The following RPS9 variants were observed in gnomAD, a reference collection of about 807,000 sequenced individuals.
The protein encoded by RPS9 is small ribosomal subunit protein uS4.
A neutral mutation model predicts 16.9 loss-of-function variants in RPS9; 1 was observed. The ratio of observed to expected loss-of-function variants is 0.06; its 90% CI spans 0.02 to 0.28. The LOEUF (loss-of-function observed/expected upper bound fraction) is 0.28, where lower values mean the gene tolerates loss of function less well. RPS9 is among the 10% of genes least tolerant of loss of function. RPS9 has a pLI of 1.00. For missense variants in RPS9, 137 were observed against 273.2 expected, an observed-to-expected ratio of 0.50 and a Z score of 3.51; for synonymous variants, 106 against 110.9, an observed-to-expected ratio of 0.96 and a Z score of 0.28.
chr19:54,201,082 C>G (rs1488432801), intron 1 of RPS9, 78 bp from the exon 2 acceptor site: 31 of 1,562,726 alleles, frequency 2.0e-5, no homozygotes, highest in East Asian at 2.3e-5. Flanking sequence ...GATCTGGGCT[C>G]CGCGAGGTTT....
At chr19:54,201,372 C>T (rs779991812) in intron 2 of RPS9, 91 bp downstream of exon 2, 9 of 1,607,270 alleles carry the variant, frequency 5.6e-6, no homozygotes, top group Admixed American at 1.7e-5. Flanking sequence ...TCTAGTCCGT[C>T]CCCTAAATTT....
chr19:54,201,714 A>G (rs1490255665), intron 3 of RPS9, 105 bp downstream of exon 3: 2 of 1,534,806 alleles, frequency 1.3e-6, no homozygotes, highest in African/African-American at 2.8e-5. Flanking sequence ...TCATTGGATA[A>G]ATGGAACCAG....
At position 54,206,352 on chromosome 19, in the gene RPS9, C is replaced by A. The variant is rs866871985; in HGVS notation, c.297C>A (p.Gly99=). The A allele has an allele frequency of 6.2e-7, 1 of 1,614,162 alleles. No individual in the cohort carries two copies. Among genetic ancestry groups the A allele is most frequent in the Middle Eastern group, 1.7e-4 (1 of 6,006 alleles). Residue 99 remains glycine (G), a synonymous_variant, in exon 4 of 5, where the codon GGC becomes GGA. Coordinates refer to ENST00000302907, the MANE Select transcript of RPS9 (RefSeq NM_001013.4). ...AGATGAAGCTGGATTACATCCTGGGCCTGAAGATAGAGGATTTCTTAGAGA... is the reference window on the plus strand; with the variant it reads ...AGATGAAGCTGGATTACATCCTGGGACTGAAGATAGAGGATTTCTTAGAGA... ...EGKMKLDYIL[G]LKIEDFLERR...
intron 3 of RPS9, among the ~76,000 whole-genome samples, chr19:54,203,747 A>G (rs962010997): frequency 1.3e-5 from 2 of 151,658 alleles, no homozygotes; most frequent in South Asian, 2.1e-4. Context: ...ACTGGGTGAC[A>G]GCGAGACACA....
Position 54,207,399 on chromosome 19 carries a change from G to A in RPS9, c.409G>A (p.Val137Ile), listed in dbSNP as rs1262241117. 6.2e-7 allele frequency: 1 copy of A among 1,609,676 alleles called. No individual in the cohort carries two copies. Among genetic ancestry groups the A allele is most frequent in the East Asian group, 2.2e-5 (1 of 44,780 alleles). Residue 137 changes from valine (V) to isoleucine (I), a missense_variant and splice_region_variant, in exon 5 of 5, where the codon GTC becomes ATC. Transcript: ENST00000302907. ...RVLIRQRHIR[V>I]RKQVVNIPSF... is the part of the protein sequence containing the mutation. ...ACCTCACCTTGTCGCTGCTTCCAGG[G>A]TCCGCAAGCAGGTGGTGAACATCCC...
At chr19:54,202,748 C>A (rs1165041363) in intron 3 of RPS9, 1 of 985,444 alleles carries the variant, frequency 1.0e-6, no homozygotes, top group African/African-American at 1.7e-5. Flanking sequence ...GCAGTCTCTA[C>A]ACCTGAGCCC....
At position 54,207,561 on chromosome 19, in the gene RPS9, G is replaced by C. The variant is rs1059792; in HGVS notation, c.571G>C (p.Glu191Gln). The change falls in exon 5 of 5, where the codon GAG becomes CAG. Residue 191 changes from glutamate to glutamine, a missense_variant. Coordinates refer to ENST00000302907, the MANE Select transcript of RPS9 (RefSeq NM_001013.4). ...GQGGAGAGDD[E>Q]EED ...GGGTGGGGCTGGGGCTGGAGACGAC[G>C]AGGAGGAGGATTAAGTCCACCTGTC... 1.9e-6 allele frequency: 3 copies of C among 1,610,144 alleles called. No homozygotes were observed. Among genetic ancestry groups the C allele is most frequent in the Non-Finnish European group, 2.5e-6 (3 of 1,178,958 alleles).
At chr19:54,201,066 A>G in intron 1 of RPS9, 94 bp from the exon 2 acceptor site, 1 of 1,521,990 alleles carries the variant, frequency 6.6e-7, no homozygotes, top group South Asian at 1.2e-5. Context: ...TATTCTCGCG[A>G]GATCGGATCT....
At chr19:54,205,553 C>T (rs189510042) in intron 3 of RPS9, among the ~76,000 whole-genome samples, 9 of 152,054 alleles carry the variant, frequency 5.9e-5, no homozygotes, top group African/African-American at 1.7e-4. Context: ...TTCAATCTCA[C>T]ATCTGCTTAA....
rs1206861546 is a variant in RPS9, at chr19:54,201,762, G to A, written c.220+153G>A. 14 of 1,440,412 alleles carry A rather than the reference G, an allele frequency of 9.7e-6. No individual in the cohort carries two copies. The South Asian group carries it at 1.6e-4, about 16-fold the overall frequency. The allele number at this position is 1,440,412 out of a possible 1,614,324, so 89.2% of individuals were successfully genotyped here. On this transcript the variant is annotated intron_variant, in intron 3 of 4. Transcript: ENST00000302907. ...TAGTGGCACTTGTGGAGTAGGAAAA[G>A]TGTATCTGGATCAGTCTTTGCCCTG...
chr19:54,206,661 G>T, intron 4 of RPS9, 199 bp downstream of exon 4: 2 of 1,547,978 alleles, frequency 1.3e-6, no homozygotes, highest in Non-Finnish European at 1.7e-6. Flanking sequence ...CAGCGCAAGG[G>T]TCACTGCGGC....
At chr19:54,202,426 G>T in intron 3 of RPS9, 1 of 985,196 alleles carries the variant, frequency 1.0e-6, no homozygotes, top group Non-Finnish European at 1.2e-6. Context: ...GCTGGTCAAG[G>T]ACATTTAGGT....
intron 3 of RPS9, chr19:54,202,765 T>A: frequency 1.0e-6 from 1 of 985,426 alleles, no homozygotes; most frequent in Non-Finnish European, 1.2e-6. Flanking sequence ...GCCCTGACTG[T>A]TAGGCATGAG....
intron 4 of RPS9, 167 bp downstream of exon 4, chr19:54,206,629 G>T (rs981140794): frequency 3.4e-5 from 52 of 1,550,646 alleles, no homozygotes; most frequent in Non-Finnish European, 4.4e-5. Flanking sequence ...GGGAGCTGGG[G>T]CAGCCTCTTG....
intron 2 of RPS9, 21 bp from the exon 3 acceptor site, chr19:54,201,466 C>G: frequency 9.3e-6 from 15 of 1,613,950 alleles, no homozygotes; most frequent in Non-Finnish European, 1.2e-5. Context: ...CTACACTTGT[C>G]CACCCCCTTC....
rs555113281 is a variant in RPS9, at chr19:54,203,070, G to T, written c.220+1461G>T. 367 of 985,272 alleles carry T rather than the reference G, an allele frequency of 3.7e-4. No homozygotes were observed. The Middle Eastern group carries it at 5.7e-3, about 15-fold the overall frequency. The allele number at this position is 985,272 out of a possible 1,614,324, so 61.0% of individuals were successfully genotyped here. ...AAGTGCTGGAGATCCCTCCCCCATA[G>T]ATACTGATGCTGGGTGGGAATTCAT... On this transcript the variant is annotated intron_variant, in intron 3 of 4. Transcript: ENST00000302907.
intron 3 of RPS9, among the ~76,000 whole-genome samples, chr19:54,204,230 C>G (rs2077163947): frequency 1.3e-5 from 2 of 151,988 alleles, no homozygotes; most frequent in Admixed American, 6.6e-5. Flanking sequence ...TGAAAAAATA[C>G]AAAATTAGCG....
chr19:54,203,940 G>A (rs2077152154), intron 3 of RPS9, among the ~76,000 whole-genome samples: 1 of 152,184 alleles, frequency 6.6e-6, no homozygotes, highest in Admixed American at 6.5e-5. Flanking sequence ...AATTCTCTTG[G>A]TGCATTGGCC....
intron 4 of RPS9, chr19:54,206,774 G>A (rs376177926): frequency 1.6e-4 from 234 of 1,420,230 alleles, no homozygotes; most frequent in Admixed American, 3.5e-4. Context: ...GCCTCACCTC[G>A]CTTGGGTGGT....
Sources: allele counts gnomAD v4.1 joint callset (sites outside exome capture counted in the v4.1 genomes callset), GRCh38; gene constraint gnomAD v4.1.1; transcripts MANE v1.5; gene names NCBI Gene and HGNC (gene_info 2026-07-23, HGNC 2026-07-21).